MAPK10: variants seen among roughly 807,000 people sequenced by gnomAD.
The protein encoded by MAPK10 is mitogen-activated protein kinase 10.
A neutral mutation model predicts 59.3 loss-of-function variants in MAPK10; 25 were observed. That is an observed-to-expected ratio of 0.42 (90% CI 0.31 to 0.59). MAPK10 has a LOEUF of 0.59. Ranked by LOEUF, MAPK10 falls within the 20% of genes least tolerant of loss-of-function variation. The pLI is 0.15. For synonymous variants in MAPK10, 190 were observed against 200.5 expected (o/e 0.95, Z 0.44); for missense variants, 351 against 568.9 (o/e 0.62, Z 3.90).
chr4:86,200,476 G>A (rs952788197), intron 2 of MAPK10, among the ~76,000 whole-genome samples: 1 of 151,856 alleles, frequency 6.6e-6, no homozygotes, highest in Non-Finnish European at 1.5e-5. Context: ...ATTCATCCAC[G>A]TTACTGTATT....
chr4:86,551,205 T>C (rs947558164), intron 1 of MAPK10, among the ~76,000 whole-genome samples: 1 of 152,238 alleles, frequency 6.6e-6, no homozygotes, highest in Admixed American at 6.5e-5. Flanking sequence ...GCCCCTCAAA[T>C]GAAACCACTT....
At chr4:86,479,523 C>T (rs897302256) in intron 1 of MAPK10, among the ~76,000 whole-genome samples, 2 of 151,474 alleles carry the variant, frequency 1.3e-5, no homozygotes, top group African/African-American at 2.4e-5. Flanking sequence ...TCTAGTCATA[C>T]TCCTATTCAC....
At chr4:86,340,297 A>G (rs1253020210) in intron 2 of MAPK10, 1 of 152,796 alleles carries the variant, frequency 6.5e-6, no homozygotes, top group Non-Finnish European at 1.5e-5. Flanking sequence ...GAACTACCAA[A>G]GACCAGATAA....
intron 2 of MAPK10, among the ~76,000 whole-genome samples, chr4:86,249,920 G>C (rs1458578366): frequency 6.6e-6 from 1 of 152,088 alleles, no homozygotes; most frequent in African/African-American, 2.4e-5. Context: ...GCATTTGACA[G>C]AACCATCCTG....
At chr4:86,035,737 G>A (rs2040157213) in intron 11 of MAPK10, among the ~76,000 whole-genome samples, 1 of 152,200 alleles carries the variant, frequency 6.6e-6, no homozygotes, top group African/African-American at 2.4e-5. Flanking sequence ...AGATGATCGT[G>A]TTGGTGAAGC....
chr4:86,031,101 C>A (rs1351438018), intron 12 of MAPK10, among the ~76,000 whole-genome samples: 1 of 152,162 alleles, frequency 6.6e-6, no homozygotes, highest in Admixed American at 6.5e-5. Flanking sequence ...CACTGACAAT[C>A]AGTACCATTT....
chr4:86,112,990 T>C (rs544711921), intron 4 of MAPK10, among the ~76,000 whole-genome samples: 1 of 151,616 alleles, frequency 6.6e-6, no homozygotes, highest in Non-Finnish European at 1.5e-5. Flanking sequence ...TTTTTTTTTT[T>C]ATCTTTGTTG....
At chr4:86,469,702 A>G (rs907219643) in intron 1 of MAPK10, among the ~76,000 whole-genome samples, 1 of 152,246 alleles carries the variant, frequency 6.6e-6, no homozygotes, top group African/African-American at 2.4e-5. Flanking sequence ...AGCTGAAACC[A>G]TCATTAAGAG....
intron 4 of MAPK10, among the ~76,000 whole-genome samples, chr4:86,149,352 C>T (rs575858961): frequency 5.9e-5 from 9 of 152,104 alleles, no homozygotes; most frequent in East Asian, 1.9e-4. Flanking sequence ...CTGCAGCCTC[C>T]GCCCCCCAGG....
At position 86,236,889 on chromosome 4, in the gene MAPK10, C is replaced by T. The variant is rs540871904; in HGVS notation, c.-6-42482G>A. Among the ~76,000 whole-genome samples the T allele has an allele frequency of 5.3e-5, 8 of 152,126 alleles. No individual in the cohort carries two copies. The South Asian group carries it at 1.5e-3, about 28-fold the overall frequency. On this transcript the variant is annotated intron_variant, in intron 2 of 13. Coordinates refer to ENST00000641462, the MANE Select transcript of MAPK10 (RefSeq NM_138982.4). ...TTTATTTTTTCTAAAAAATAAAAAA[C>T]GGGGTACATGTGCAGAACGTGCAGG...
At chr4:86,117,788 G>C (rs1469706152) in intron 4 of MAPK10, 1 of 152,176 alleles carries the variant, frequency 6.6e-6, no homozygotes. Context: ...TAGATTCCTG[G>C]TTAAGAGGAG....
At chr4:86,156,183 T>G (rs540607608) in intron 4 of MAPK10, among the ~76,000 whole-genome samples, 1 of 152,224 alleles carries the variant, frequency 6.6e-6, no homozygotes, top group South Asian at 2.1e-4. Flanking sequence ...ATATTCCATT[T>G]AAGATAAACT....
chr4:86,584,917 T>G (rs932362369), intron 1 of MAPK10, among the ~76,000 whole-genome samples: 1 of 152,168 alleles, frequency 6.6e-6, no homozygotes, highest in South Asian at 2.1e-4. Context: ...ATAAAAGTCT[T>G]GGATTAAAAG....
intron 4 of MAPK10, among the ~76,000 whole-genome samples, chr4:86,142,677 C>T (rs376520025): frequency 3.9e-5 from 6 of 152,044 alleles, no homozygotes; most frequent in African/African-American, 1.4e-4. Context: ...AAGTAAAACC[C>T]ACACTGATTT....
chr4:86,219,634 G>T (rs1227739939), intron 2 of MAPK10: 3 of 152,198 alleles, frequency 2.0e-5, no homozygotes, highest in African/African-American at 7.2e-5. Flanking sequence ...AGGCTGTCAA[G>T]TAACACTTAA....
At chr4:86,424,400 G>A (rs1373448438) in intron 1 of MAPK10, among the ~76,000 whole-genome samples, 1 of 152,052 alleles carries the variant, frequency 6.6e-6, no homozygotes, top group East Asian at 1.9e-4. Flanking sequence ...ACGTTGGCCA[G>A]GCTGGTCTTG....
chr4:86,289,382 T>C (rs2095144818), intron 2 of MAPK10, among the ~76,000 whole-genome samples: 1 of 152,058 alleles, frequency 6.6e-6, no homozygotes, highest in Non-Finnish European at 1.5e-5. Context: ...TGATCAGATT[T>C]TTATTTTTAA....
intron 1 of MAPK10, among the ~76,000 whole-genome samples, chr4:86,404,308 T>C (rs902067234): frequency 6.6e-6 from 1 of 152,186 alleles, no homozygotes; most frequent in Non-Finnish European, 1.5e-5. Flanking sequence ...AGGAAGAGAA[T>C]TGATATCAGT....
At chr4:86,536,542 T>C (rs896000192) in intron 1 of MAPK10, among the ~76,000 whole-genome samples, 1 of 152,320 alleles carries the variant, frequency 6.6e-6, no homozygotes, top group Non-Finnish European at 1.5e-5. Flanking sequence ...AAAGAAAAAT[T>C]TGGTCTTGGG....
Sources: allele counts gnomAD v4.1 joint callset (sites outside exome capture counted in the v4.1 genomes callset), GRCh38; gene constraint gnomAD v4.1.1; transcripts MANE v1.5; gene names NCBI Gene and HGNC (gene_info 2026-07-23, HGNC 2026-07-21).